Variants in SNTB1 observed in about 807,000 individuals in gnomAD.
SNTB1 encodes the protein beta-1-syntrophin.
A neutral mutation model predicts 48.9 loss-of-function variants in SNTB1; 36 were observed. That is an observed-to-expected ratio of 0.74 (90% CI 0.56 to 0.97). SNTB1 has a LOEUF of 0.97. Among genes scored for constraint, SNTB1 ranks in the 50% least tolerant of loss-of-function variants. The pLI, the probability that SNTB1 is intolerant of heterozygous loss-of-function variation, is 0.00. For missense variants in SNTB1, 786 were observed against 703.4 expected (o/e 1.12, Z -1.33); for synonymous variants, 299 against 294.6 (o/e 1.01, Z -0.15).
intron 1 of SNTB1, among the ~76,000 whole-genome samples, chr8:120,736,380 C>T (rs1246638231): frequency 6.6e-6 from 1 of 152,104 alleles, no homozygotes; most frequent in African/African-American, 2.4e-5. Flanking sequence ...TCTGAAGAGA[C>T]CTTAGACAAA....
chr8:120,808,559 C>T (rs978366483), intron 1 of SNTB1, among the ~76,000 whole-genome samples: 2 of 152,204 alleles, frequency 1.3e-5, no homozygotes, highest in African/African-American at 4.8e-5. Context: ...CTAACTACTT[C>T]CAGCGGATAT....
chr8:120,759,932 A>T (rs956621684), intron 1 of SNTB1, among the ~76,000 whole-genome samples: 2 of 152,096 alleles, frequency 1.3e-5, no homozygotes, highest in Non-Finnish European at 2.9e-5. Flanking sequence ...CTTAACCAGG[A>T]CCTATGTCTA....
intron 2 of SNTB1, among the ~76,000 whole-genome samples, chr8:120,640,203 G>C (rs913722884): frequency 3.3e-5 from 5 of 152,066 alleles, no homozygotes; most frequent in Non-Finnish European, 7.4e-5. Context: ...GTATAAGAAT[G>C]CTTGTGATTT....
Position 120,565,505 on chromosome 8 carries a change from G to A in SNTB1, c.1136+9581C>T, listed in dbSNP as rs10102581. ...CCAGAACCCACGCTCTGGAGCATTCGTGTGATGGACACTATGCAGCCATGA... is the reference window on the plus strand; with the variant it reads ...CCAGAACCCACGCTCTGGAGCATTCATGTGATGGACACTATGCAGCCATGA... On this transcript the variant is annotated intron_variant, in intron 4 of 6. Transcript: ENST00000517992. 3.5e-3 allele frequency among the ~76,000 whole-genome samples: 535 copies of A among 152,262 alleles called. 4 individuals are homozygous for A. Among genetic ancestry groups the A allele is most frequent in the African/African-American group, 0.012 (507 of 41,556 alleles).
chr8:120,625,322 C>T (rs536981968), intron 3 of SNTB1, among the ~76,000 whole-genome samples: 1 of 152,304 alleles, frequency 6.6e-6, no homozygotes, highest in African/African-American at 2.4e-5. Context: ...GAAGCAGGCC[C>T]ATATGAAGTT....
chr8:120,811,189 G>A (rs1820421908), intron 1 of SNTB1, 84 bp downstream of exon 1: 3 of 1,494,408 alleles, frequency 2.0e-6, no homozygotes. Context: ...ATGTGGCCGA[G>A]TGAGTGTGAG....
intron 3 of SNTB1, among the ~76,000 whole-genome samples, chr8:120,607,542 G>A (rs1227233924): frequency 3.3e-5 from 5 of 152,106 alleles, no homozygotes; most frequent in Admixed American, 1.3e-4. Flanking sequence ...ATCTTCTAAT[G>A]TTAAATGGCC....
chr8:120,571,504 T>G (rs1438258788), intron 4 of SNTB1: 5 of 320,674 alleles, frequency 1.6e-5, no homozygotes, highest in African/African-American at 3.9e-5. Flanking sequence ...TTTTTTTTTT[T>G]TTTTTTTTTT....
intron 3 of SNTB1, among the ~76,000 whole-genome samples, chr8:120,607,246 G>A (rs1038373501): frequency 1.1e-4 from 16 of 152,136 alleles, no homozygotes; most frequent in African/African-American, 3.9e-4. Context: ...ATCTTACAGA[G>A]GAACACAAAG....
intron 1 of SNTB1, among the ~76,000 whole-genome samples, chr8:120,715,528 T>C (rs932785386): frequency 6.6e-6 from 1 of 152,152 alleles, no homozygotes; most frequent in Non-Finnish European, 1.5e-5. Context: ...GGTTTCATAA[T>C]TTAAAGGTCT....
At chr8:120,600,913 C>T (rs1238468049) in intron 3 of SNTB1, among the ~76,000 whole-genome samples, 2 of 151,884 alleles carry the variant, frequency 1.3e-5, no homozygotes, top group East Asian at 3.9e-4. Context: ...CCCAGCCTTG[C>T]TCATCTTGAC....
At chr8:120,772,926 CACA>C (rs1213673060) in intron 1 of SNTB1, among the ~76,000 whole-genome samples, 4 of 152,112 alleles carry the variant, frequency 2.6e-5, no homozygotes, top group African/African-American at 9.7e-5. Context: ...TGAAAGCCCC[CACA>C]ACAAGTGTGC....
At chr8:120,783,850 A>G (rs1260067015) in intron 1 of SNTB1, among the ~76,000 whole-genome samples, 1 of 152,268 alleles carries the variant, frequency 6.6e-6, no homozygotes, top group African/African-American at 2.4e-5. Context: ...TTATTTTAAA[A>G]TAACGCAAGT....
chr8:120,714,394 C>G (rs1818520904), intron 1 of SNTB1, among the ~76,000 whole-genome samples: 3 of 151,970 alleles, frequency 2.0e-5, no homozygotes, highest in Admixed American at 2.0e-4. Flanking sequence ...GAGTAGGATA[C>G]AAATACTCCA....
chr8:120,594,053 CTTTA>C (rs147532780), intron 3 of SNTB1, among the ~76,000 whole-genome samples: 3 of 150,714 alleles, frequency 2.0e-5, no homozygotes, highest in Admixed American at 6.6e-5. Flanking sequence ...CAGTACATGT[CTTTA>C]TTTATTTATT....
intron 3 of SNTB1, among the ~76,000 whole-genome samples, chr8:120,596,635 T>C (rs991755737): frequency 9.2e-5 from 14 of 152,166 alleles, no homozygotes; most frequent in Admixed American, 3.3e-4. Flanking sequence ...CCCATTTCCT[T>C]GCTATCAGCT....
chr8:120,722,909 T>G (rs1458018204), intron 1 of SNTB1, among the ~76,000 whole-genome samples: 1 of 152,242 alleles, frequency 6.6e-6, no homozygotes, highest in African/African-American at 2.4e-5. Context: ...CATCTTGAAT[T>G]AATTTTTGTA....
At chr8:120,560,621 A>T (rs1815637120) in intron 4 of SNTB1, among the ~76,000 whole-genome samples, 1 of 152,254 alleles carries the variant, frequency 6.6e-6, no homozygotes, top group African/African-American at 2.4e-5. Flanking sequence ...GTACAGGTGA[A>T]TAAGCAGCAA....
chr8:120,808,088 T>C (rs1382025451), intron 1 of SNTB1, among the ~76,000 whole-genome samples: 1 of 152,058 alleles, frequency 6.6e-6, no homozygotes, highest in African/African-American at 2.4e-5. Context: ...CTAATTTTTG[T>C]ATTTTTAGTC....
Sources: allele counts gnomAD v4.1 joint callset (sites outside exome capture counted in the v4.1 genomes callset), GRCh38; gene constraint gnomAD v4.1.1; transcripts MANE v1.5; gene names NCBI Gene and HGNC (gene_info 2026-07-23, HGNC 2026-07-21).